Variants in MACF1 observed in about 807,000 individuals in gnomAD.
MACF1 encodes the protein microtubule-actin cross-linking factor 1.
Under a neutral mutation model 854.8 loss-of-function variants are expected in MACF1, and 193 were observed. The ratio of observed to expected loss-of-function variants is 0.23; its 90% CI spans 0.20 to 0.25. The LOEUF (loss-of-function observed/expected upper bound fraction) is 0.25, where lower values mean the gene tolerates loss of function less well. Ranked by LOEUF, MACF1 falls within the 10% of genes least tolerant of loss-of-function variation. The probability of loss-of-function intolerance (pLI) is 1.00; values close to 1 mark genes in which losing one functional copy is unlikely to be tolerated. For synonymous variants in MACF1, 3,185 were observed against 3,226.7 expected (o/e 0.99, Z 0.44); for missense variants, 7,722 against 8,929.1 (o/e 0.86, Z 5.45).
At chr1:39,429,424 TA>T in intron 64 of MACF1, 98 bp downstream of exon 64, 1 of 714,874 alleles carries the variant, frequency 1.4e-6, no homozygotes, top group South Asian at 1.8e-5. Context: ...TCTTTATGTA[TA>T]TATGAGAAGC....
At chr1:39,447,296 G>T in intron 80 of MACF1, 136 bp from the exon 81 acceptor site, 1 of 760,074 alleles carries the variant, frequency 1.3e-6, no homozygotes, top group Non-Finnish European at 2.2e-6. Flanking sequence ...AAGCATGTTT[G>T]GACGTTGATT....
At chr1:39,240,932 C>G (rs1403808303) in intron 2 of MACF1, among the ~76,000 whole-genome samples, 2 of 152,178 alleles carry the variant, frequency 1.3e-5, no homozygotes, top group Non-Finnish European at 2.9e-5. Context: ...CAAAGAACCT[C>G]ACACTTTGTT....
At chr1:39,098,622 T>C (rs2148128290) in intron 2 of MACF1, among the ~76,000 whole-genome samples, 1 of 152,260 alleles carries the variant, frequency 6.6e-6, no homozygotes. Context: ...TGGAGATTAT[T>C]TGGAGTTGGC....
At chr1:39,260,059 G>A (rs1479140526) in intron 6 of MACF1, among the ~76,000 whole-genome samples, 7 of 151,992 alleles carry the variant, frequency 4.6e-5, no homozygotes, top group Admixed American at 3.9e-4. Context: ...TAGTATCACT[G>A]TGACTTGTGG....
intron 2 of MACF1, among the ~76,000 whole-genome samples, chr1:39,102,232 G>T (rs1642108970): frequency 6.6e-6 from 1 of 151,780 alleles, no homozygotes; most frequent in African/African-American, 2.4e-5. Context: ...AGAAAGAAAA[G>T]AAAAGAAAGA....
chr1:39,422,526 G>T lies in MACF1; in HGVS notation c.15969G>T (p.Leu5323Phe). The change falls in exon 59 of 101, where the codon TTG (leucine) becomes TTT (phenylalanine). Residue 5323 changes from leucine to phenylalanine, a missense_variant. This residue lies in a region of MACF1 where 2,807 missense variants were observed against 3,235.8 expected (regional missense o/e 0.87). Coordinates refer to ENST00000564288, the MANE Select transcript of MACF1 (RefSeq NM_001394062.1). Reference protein sequence around the residue: ...MEEINARWNTLNKKVAQRIAQ... With the variant: ...MEEINARWNTFNKKVAQRIAQ... Reference sequence around the variant, plus strand: ...AGATCAATGCTCGATGGAATACATTGAATAAAAAGGTGAGTGACAATGGGG... The same window carrying T: ...AGATCAATGCTCGATGGAATACATTTAATAAAAAGGTGAGTGACAATGGGG... 2 of 1,608,420 alleles carry T rather than the reference G, an allele frequency of 1.2e-6. No individual in the cohort carries two copies. The highest frequency in any genetic ancestry group is 2.2e-5 in the South Asian group (2 of 90,202).
At chr1:39,457,144 T>G (rs554490673) in intron 89 of MACF1, 3 of 152,282 alleles carry the variant, frequency 2.0e-5, no homozygotes, top group Non-Finnish European at 4.4e-5. Flanking sequence ...TTCAGCACTA[T>G]CATCTCCTAA....
intron 2 of MACF1, among the ~76,000 whole-genome samples, chr1:39,185,962 G>C (rs1644163405): frequency 6.6e-6 from 1 of 152,218 alleles, no homozygotes; most frequent in South Asian, 2.1e-4. Context: ...TGCTGTTTCA[G>C]AAGTCACCAC....
rs750561723 is a variant in MACF1, at chr1:39,317,271, A to G, written c.3646A>G (p.Ile1216Val). 2.5e-6 allele frequency: 4 copies of G among 1,614,104 alleles called. No individual in the cohort carries two copies. The highest frequency in any genetic ancestry group is 3.4e-6 in the Non-Finnish European group (4 of 1,180,022). Residue 1216 changes from isoleucine (I) to valine (V), a missense_variant, in exon 29 of 101, where the codon ATT becomes GTT. Physicochemically the swap from Ile to Val is conservative, Grantham distance 29. This residue lies in a region of MACF1 where 1,137 missense variants were observed against 1,263.0 expected (regional missense o/e 0.90). Coordinates refer to ENST00000564288, the MANE Select transcript of MACF1 (RefSeq NM_001394062.1). The part of the protein sequence containing the change: ...NSVFSVLDEE[I>V]AKAKVVAEQM... ...AGTGTTTTCAGTCCTGGATGAGGAA[A>G]TTGCCAAGGCCAAGGTAGTGGCAGA...
At chr1:39,095,517 C>A (rs1336183905) in intron 2 of MACF1, among the ~76,000 whole-genome samples, 1 of 136,920 alleles carries the variant, frequency 7.3e-6, no homozygotes, top group Non-Finnish European at 1.5e-5. Flanking sequence ...GAGCTGAGAT[C>A]GCGCCACTGC....
chr1:39,317,146 C>A, intron 28 of MACF1, 68 bp from the exon 29 acceptor site: 1 of 1,481,558 alleles, frequency 6.7e-7, no homozygotes, highest in South Asian at 1.2e-5. Context: ...TCCTTGTTTC[C>A]CACCTTAGAC....
intron 23 of MACF1, 91 bp from the exon 24 acceptor site, chr1:39,309,479 C>G (rs989546942): frequency 4.7e-6 from 7 of 1,481,076 alleles, no homozygotes; most frequent in Non-Finnish European, 6.5e-6. Flanking sequence ...AAGCTCAATT[C>G]TGCTAAGGCA....
At chr1:39,343,692 TAGC>T (rs1646983812) in intron 40 of MACF1, among the ~76,000 whole-genome samples, 1 of 152,234 alleles carries the variant, frequency 6.6e-6, no homozygotes, top group Non-Finnish European at 1.5e-5. Flanking sequence ...GTCTTATTGT[TAGC>T]AGTGGCAAAT....
chr1:39,320,490 A>T (rs971846871), intron 31 of MACF1, among the ~76,000 whole-genome samples: 2 of 152,176 alleles, frequency 1.3e-5, no homozygotes, highest in African/African-American at 4.8e-5. Flanking sequence ...GAAAGACTAA[A>T]ATGTGGAGAA....
chr1:39,163,895 G>A (rs1475846180), intron 2 of MACF1, among the ~76,000 whole-genome samples: 1 of 152,012 alleles, frequency 6.6e-6, no homozygotes, highest in African/African-American at 2.4e-5. Context: ...TAGAAAGCAG[G>A]GAAAAATAAA....
intron 1 of MACF1, among the ~76,000 whole-genome samples, chr1:39,224,382 G>C (rs977386406): frequency 1.3e-5 from 2 of 152,132 alleles, no homozygotes; most frequent in Non-Finnish European, 2.9e-5. Context: ...AACCAAAGAA[G>C]AAGGCAGAAA....
Position 39,105,847 on chromosome 1 carries a change from G to A in MACF1, c.220+21409G>A, listed in dbSNP as rs1171977206. 2 of 715,488 alleles carry A rather than the reference G, an allele frequency of 2.8e-6. No homozygotes were observed. 44.3% of individuals were successfully genotyped at this position (715,488 alleles called of 1,614,324 possible). On this transcript the variant is annotated intron_variant, in intron 2 of 93. Transcript: ENST00000361689. This position sits in a 1 kb window ranked among gnomAD's most constrained non-coding sequence, Gnocchi z 5.9. ...CACCCACCGCGCGGGGCTTGGCCCT[G>A]AGCTGCTGCTTCTCGGGGCCAGTTT...
chr1:39,151,260 G>A (rs773301466), intron 2 of MACF1, among the ~76,000 whole-genome samples: 19 of 152,132 alleles, frequency 1.2e-4, no homozygotes, highest in South Asian at 4.1e-4. Context: ...GTATAATTTC[G>A]TTTCAAATCT....
At chr1:39,425,281 C>T (rs1405084146) in intron 61 of MACF1, among the ~76,000 whole-genome samples, 5 of 152,228 alleles carry the variant, frequency 3.3e-5, no homozygotes, top group Admixed American at 6.5e-5. Context: ...TCATGACTTA[C>T]GAGCTCTCAC....
Sources: gnomAD v4.1 joint callset for allele counts (sites outside exome capture counted in the v4.1 genomes callset) on GRCh38, gnomAD v4.1.1 for gene constraint, gnomAD v4.1.1 regional missense constraint, Gnocchi (gnomAD v3.1) non-coding constraint, MANE v1.5 for transcripts, NCBI Gene and HGNC (gene_info 2026-07-23, HGNC 2026-07-21) for gene names.